The following ROBO2 variants were observed in gnomAD, a reference collection of about 807,000 sequenced individuals.
ROBO2 encodes the protein roundabout guidance receptor 2, also known as roundabout homolog 2.
A neutral mutation model predicts 160.8 loss-of-function variants in ROBO2; 53 were observed. The observed-to-expected ratio is 0.33, with a 90% CI of 0.26 to 0.41. The LOEUF (loss-of-function observed/expected upper bound fraction) is 0.41, where lower values mean the gene tolerates loss of function less well. Ranked by LOEUF, ROBO2 falls within the 10% of genes least tolerant of loss-of-function variation. ROBO2 has a pLI of 1.00. For missense variants in ROBO2, 1,577 were observed against 1,722.4 expected (o/e 0.92, Z 1.49); for synonymous variants, 664 against 611.7 (o/e 1.09, Z -1.26).
At chr3:77,562,247 T>C (rs2093345444) in intron 9 of ROBO2, among the ~76,000 whole-genome samples, 1 of 152,176 alleles carries the variant, frequency 6.6e-6, no homozygotes, top group Non-Finnish European at 1.5e-5. Context: ...ACAGAACAGT[T>C]TTGCATTACT....
chr3:77,459,558 C>T (rs1201205279), intron 2 of ROBO2, among the ~76,000 whole-genome samples: 1 of 152,142 alleles, frequency 6.6e-6, no homozygotes, highest in African/African-American at 2.4e-5. Context: ...ATAACGAACA[C>T]AAACAAGAAT....
At chr3:76,208,772 A>T (rs1174842785) in intron 2 of ROBO2, among the ~76,000 whole-genome samples, 1 of 151,900 alleles carries the variant, frequency 6.6e-6, no homozygotes, top group Non-Finnish European at 1.5e-5. Context: ...TCCTTTCCCT[A>T]TGTTGTATAA....
At chr3:77,577,155 C>A (rs904196203) in intron 14 of ROBO2, among the ~76,000 whole-genome samples, 3 of 152,050 alleles carry the variant, frequency 2.0e-5, no homozygotes, top group African/African-American at 7.2e-5. Flanking sequence ...ATCTGTAAAA[C>A]CGAGATAAGA....
At chr3:75,937,543 C>T (rs764858954) in exon 2 of ROBO2, 20 of 1,576,794 alleles carry the variant, frequency 1.3e-5, no homozygotes, top group African/African-American at 5.4e-5. Flanking sequence ...ACATGGGCTC[C>T]GGGACTGTTG....
chr3:77,053,374 C>T (rs2065409583), intron 1 of ROBO2, among the ~76,000 whole-genome samples: 1 of 152,136 alleles, frequency 6.6e-6, no homozygotes, highest in Non-Finnish European at 1.5e-5. Context: ...TCTGGCCCTT[C>T]TGTATATACT....
chr3:76,203,937 C>G (rs960878918), intron 2 of ROBO2, among the ~76,000 whole-genome samples: 1 of 152,170 alleles, frequency 6.6e-6, no homozygotes, highest in Non-Finnish European at 1.5e-5. Flanking sequence ...TGTTCCTGCC[C>G]GCAGTACTGA....
intron 2 of ROBO2, among the ~76,000 whole-genome samples, chr3:77,441,063 T>C (rs1560840395): frequency 6.6e-6 from 1 of 152,122 alleles, no homozygotes; most frequent in Non-Finnish European, 1.5e-5. Context: ...AAGGGAAGAC[T>C]GACATACAAA....
intron 2 of ROBO2, among the ~76,000 whole-genome samples, chr3:76,299,007 A>G (rs983162167): frequency 6.6e-6 from 1 of 152,168 alleles, no homozygotes; most frequent in Admixed American, 6.5e-5. Flanking sequence ...CATTTCACCC[A>G]TTTGTTTAAC....
At chr3:77,117,408 G>A (rs997127656) in intron 2 of ROBO2, among the ~76,000 whole-genome samples, 1 of 152,022 alleles carries the variant, frequency 6.6e-6, no homozygotes, top group East Asian at 1.9e-4. Flanking sequence ...AATAAGATTT[G>A]CAAAATTTTT....
At chr3:76,740,482 C>T (rs1310329639) in intron 2 of ROBO2, among the ~76,000 whole-genome samples, 2 of 152,206 alleles carry the variant, frequency 1.3e-5, no homozygotes, top group African/African-American at 2.4e-5. Flanking sequence ...TCACTTTGAC[C>T]TTTATTTTAA....
At chr3:75,954,387 G>C (rs1948655139) in intron 2 of ROBO2, among the ~76,000 whole-genome samples, 1 of 151,860 alleles carries the variant, frequency 6.6e-6, no homozygotes, top group African/African-American at 2.4e-5. Flanking sequence ...GTGTCACACA[G>C]AACAGAAACA....
intron 7 of ROBO2, among the ~76,000 whole-genome samples, chr3:77,550,453 G>A (rs370633938): frequency 2.0e-5 from 3 of 151,960 alleles, no homozygotes; most frequent in Admixed American, 6.6e-5. Context: ...ATCTTCATGA[G>A]GCCTTAGTAG....
At chr3:77,143,969 G>C (rs755544991) in intron 2 of ROBO2, among the ~76,000 whole-genome samples, 1 of 152,094 alleles carries the variant, frequency 6.6e-6, no homozygotes, top group Non-Finnish European at 1.5e-5. Flanking sequence ...TCCATGACAC[G>C]TGCTATTCTT....
At chr3:77,521,013 G>A (rs1331721568) in intron 5 of ROBO2, among the ~76,000 whole-genome samples, 2 of 151,226 alleles carry the variant, frequency 1.3e-5, no homozygotes, top group East Asian at 3.9e-4. Context: ...TAGGAAACAA[G>A]ATATGTATCA....
intron 2 of ROBO2, among the ~76,000 whole-genome samples, chr3:76,541,479 A>C (rs1028784232): frequency 6.6e-6 from 1 of 152,086 alleles, no homozygotes; most frequent in Non-Finnish European, 1.5e-5. Flanking sequence ...TTATTTCTTC[A>C]TTGTTATTTC....
At chr3:77,605,916 A>G (rs949685948) in intron 20 of ROBO2, among the ~76,000 whole-genome samples, 3 of 152,204 alleles carry the variant, frequency 2.0e-5, no homozygotes, top group Admixed American at 1.3e-4. Context: ...AGGTGAAACT[A>G]GAGAGAAAGC....
intron 2 of ROBO2, among the ~76,000 whole-genome samples, chr3:76,010,376 C>T (rs1005027032): frequency 5.3e-4 from 80 of 152,322 alleles, no homozygotes; most frequent in African/African-American, 1.6e-3. Flanking sequence ...GAACAATCCT[C>T]GGTCCACTTA....
At chr3:76,773,572 G>A (rs2062047886) in intron 2 of ROBO2, among the ~76,000 whole-genome samples, 1 of 112,934 alleles carries the variant, frequency 8.9e-6, no homozygotes, top group Non-Finnish European at 1.7e-5. Flanking sequence ...TTTTTTACAA[G>A]ATTAATTTTT....
chr3:77,139,991 C>A (rs574264083), intron 2 of ROBO2, among the ~76,000 whole-genome samples: 1 of 152,146 alleles, frequency 6.6e-6, no homozygotes, highest in East Asian at 1.9e-4. Context: ...CTACTGCAAA[C>A]CAGAGGCAGG....
Sources: allele counts gnomAD v4.1 joint callset (sites outside exome capture counted in the v4.1 genomes callset), GRCh38; gene constraint gnomAD v4.1.1; transcripts MANE v1.5; gene names NCBI Gene and HGNC (gene_info 2026-07-23, HGNC 2026-07-21).